GCH1: variants seen among roughly 807,000 people sequenced by gnomAD.
GCH1 encodes GTP cyclohydrolase I.
Under a neutral mutation model 25.9 loss-of-function variants are expected in GCH1, and 5 were observed. That is an observed-to-expected ratio of 0.19 (90% CI 0.10 to 0.41). The LOEUF is 0.41. Ranked by LOEUF, GCH1 falls within the 10% of genes least tolerant of loss-of-function variation. The pLI is 1.00. For missense variants in GCH1, 261 were observed against 336.5 expected, an observed-to-expected ratio of 0.78 and a Z score of 1.75; for synonymous variants, 159 against 129.6, an observed-to-expected ratio of 1.23 and a Z score of -1.54.
In GCH1 at chr14:54,902,311, G is replaced by T. The variant is rs1227665541; in HGVS notation, c.343+10C>A. 2 of 1,611,408 alleles carry T rather than the reference G, an allele frequency of 1.2e-6. No homozygotes were observed. Among genetic ancestry groups the T allele is most frequent in the African/African-American group, 2.7e-5 (2 of 74,906 alleles). ...GCCCGCACGCTCTAGCAGCCCGCGG[G>T]CGCACTGACCTGAGATGGTCTCCTG... On this transcript the variant is annotated intron_variant, in intron 1 of 5. Transcript: ENST00000491895.
chr14:54,847,327 C>T (rs763416373), intron 3 of GCH1, among the ~76,000 whole-genome samples, 197 bp from the exon 4 acceptor site: 4 of 152,134 alleles, frequency 2.6e-5, no homozygotes, highest in Non-Finnish European at 5.9e-5. Context: ...TTGAAGGATG[C>T]AAAGTATTGT....
At chr14:54,899,570 A>C (rs918245684) in intron 1 of GCH1, among the ~76,000 whole-genome samples, 1 of 152,072 alleles carries the variant, frequency 6.6e-6, no homozygotes, top group African/African-American at 2.4e-5. Context: ...CTGAGCAACA[A>C]CTATCCTCCT....
rs1160103349 is a variant in GCH1 at position 54,902,450 on chromosome 14, C to G, written c.214G>C (p.Ala72Pro). 1 of 1,612,832 alleles carries G rather than the reference C, an allele frequency of 6.2e-7. No homozygotes were observed. Among genetic ancestry groups the G allele is most frequent in the Admixed American group, 1.7e-5 (1 of 59,982 alleles). Residue 72 changes from alanine (A) to proline (P), a missense_variant, in exon 1 of 6, where the codon GCA becomes CCA. Around this residue, in one of 3 missense-constraint regions of GCH1, gnomAD observed 125 missense variants for 128.7 expected, o/e 0.97. Transcript: ENST00000491895. ...CTCAGGATGGACGAGTAGGCGGCTG[C>G]CAGGTTAGGGAGGTTCAGCTCGTTA... Reference protein sequence around the residue: ...EDNELNLPNLAAAYSSILSSL... With the variant: ...EDNELNLPNLPAAYSSILSSL...
At chr14:54,864,226 A>C (rs938989030) in intron 2 of GCH1, among the ~76,000 whole-genome samples, 1 of 152,166 alleles carries the variant, frequency 6.6e-6, no homozygotes, top group Admixed American at 6.6e-5. Flanking sequence ...TTCTATCTAT[A>C]TATTATTTCC....
At chr14:54,854,832 G>C (rs1191590100) in intron 3 of GCH1, among the ~76,000 whole-genome samples, 1 of 152,220 alleles carries the variant, frequency 6.6e-6, no homozygotes, top group Non-Finnish European at 1.5e-5. Flanking sequence ...AAAGTGTGAT[G>C]AAAAGTGTGT....
intron 3 of GCH1, among the ~76,000 whole-genome samples, chr14:54,856,410 C>A (rs1194747106): frequency 6.6e-6 from 1 of 152,188 alleles, no homozygotes; most frequent in Non-Finnish European, 1.5e-5. Context: ...TGAGATACTA[C>A]AACTCTAAAT....
At position 54,880,501 on chromosome 14, in the gene GCH1, CATATATATATATACTCCAT is replaced by C. The variant is rs1566676821; in HGVS notation, c.344-15084_344-15066del. On this transcript the variant is annotated intron_variant, in intron 1 of 5. Transcript: ENST00000491895. ...ATACACTCCATATATATATATACTCCATATATATATATACTCCATATATATATATATACTCCATATATAT... is the reference window on the plus strand; with the variant it reads ...ATACACTCCATATATATATATACTCCATATATATATATACTCCATATATAT... Among the ~76,000 whole-genome samples the C allele has an allele frequency of 4.7e-4, 42 of 90,140 alleles. 6 individuals are homozygous for C. The highest frequency in any genetic ancestry group is 2.6e-3 in the East Asian group (9 of 3,414). 59.1% of individuals were successfully genotyped at this position (90,140 alleles called of 152,430 possible). A position where few individuals can be genotyped will look rare whatever the true frequency, so the allele number is the denominator to read the frequency against.
chr14:54,865,054 A>G lies in GCH1; in HGVS notation c.453+273T>C, dbSNP rs55935131. 0.2 allele frequency among the ~76,000 whole-genome samples: 29,079 copies of G among 149,052 alleles called. 2,950 individuals carry two copies. Among genetic ancestry groups the G allele is most frequent in the Admixed American group, 0.23 (3,509 of 15,112 alleles). ...CCTGTAGTAGCTACAAAAAAAAAAA[A>G]AGAGAGAGAGAGATGCTACTTAAAC... On this transcript the variant is annotated intron_variant, in intron 2 of 5. Coordinates refer to ENST00000491895, the MANE Select transcript of GCH1 (RefSeq NM_000161.3).
intron 3 of GCH1, among the ~76,000 whole-genome samples, chr14:54,852,243 G>A (rs982814309): frequency 2.0e-5 from 3 of 152,122 alleles, no homozygotes; most frequent in Admixed American, 6.5e-5. Context: ...TCACAAAAAC[G>A]TCAACAAACT....
chr14:54,891,601 G>C (rs1339370619), intron 1 of GCH1, among the ~76,000 whole-genome samples: 1 of 151,996 alleles, frequency 6.6e-6, no homozygotes, highest in African/African-American at 2.4e-5. Context: ...GTAGAAATGA[G>C]GTTTGGCCAT....
chr14:54,853,414 C>T (rs118078557), intron 3 of GCH1, among the ~76,000 whole-genome samples: 2,318 of 152,224 alleles, frequency 0.015, 36 homozygotes, highest in South Asian at 0.048. Context: ...AGGTAAGTAT[C>T]GTCCTTGATT....
At chr14:54,872,834 A>C (rs886847104) in intron 1 of GCH1, among the ~76,000 whole-genome samples, 1 of 152,190 alleles carries the variant, frequency 6.6e-6, no homozygotes, top group African/African-American at 2.4e-5. Flanking sequence ...CCAATACAGG[A>C]GCACCCAGAT....
At chr14:54,896,976 ATAGACTGATCTTATCCATTC>A (rs2040494563) in intron 1 of GCH1, among the ~76,000 whole-genome samples, 1 of 145,308 alleles carries the variant, frequency 6.9e-6, no homozygotes, top group Non-Finnish European at 1.5e-5. Context: ...ACTATATGTG[ATAGACTGATCTTATCCATTC>A]TACTCCACTT....
At chr14:54,875,410 T>C (rs1196318907) in intron 1 of GCH1, among the ~76,000 whole-genome samples, 2 of 152,178 alleles carry the variant, frequency 1.3e-5, no homozygotes, top group Admixed American at 6.5e-5. Context: ...GACATAGGCA[T>C]GGGCAAGGAC....
chr14:54,868,670 C>T (rs974865067), intron 1 of GCH1, among the ~76,000 whole-genome samples: 5 of 152,044 alleles, frequency 3.3e-5, no homozygotes, highest in South Asian at 4.1e-4. Flanking sequence ...GGCATGATCT[C>T]GGCTCACTGC....
chr14:54,881,207 G>C lies in GCH1; in HGVS notation c.344-15771C>G, dbSNP rs150447167. 1.1e-3 allele frequency among the ~76,000 whole-genome samples: 168 copies of C among 152,022 alleles called. 1 individual carries two copies. The highest frequency in any genetic ancestry group is 3.9e-3 in the African/African-American group (160 of 41,458). On this transcript the variant is annotated intron_variant, in intron 1 of 5. Transcript: ENST00000491895. ...TATAAAAATAAAAAAATTTTAAAAA[G>C]AAACAAACATTAAAAAAACAGGTTA...
chr14:54,877,347 T>C (rs2040176923), intron 1 of GCH1, among the ~76,000 whole-genome samples: 1 of 152,214 alleles, frequency 6.6e-6, no homozygotes, highest in Admixed American at 6.5e-5. Flanking sequence ...CACCACACAA[T>C]GTCAGTTTTC....
At chr14:54,865,783 C>T (rs747207373) in intron 1 of GCH1, among the ~76,000 whole-genome samples, 9 of 152,144 alleles carry the variant, frequency 5.9e-5, no homozygotes, top group Admixed American at 3.3e-4. Flanking sequence ...TTCTTCCTTA[C>T]ATTTTCTTCT....
chr14:54,889,068 G>C (rs1413934965), intron 1 of GCH1, among the ~76,000 whole-genome samples: 2 of 152,180 alleles, frequency 1.3e-5, no homozygotes, highest in African/African-American at 4.8e-5. Context: ...TGGAGGCAAA[G>C]CCTGACAGCA....
Sources: allele counts gnomAD v4.1 joint callset (sites outside exome capture counted in the v4.1 genomes callset), GRCh38; gene constraint gnomAD v4.1.1; regional missense constraint gnomAD v4.1.1; transcripts MANE v1.5; gene names NCBI Gene and HGNC (gene_info 2026-07-23, HGNC 2026-07-21).